Variants in EGFLAM observed in about 807,000 individuals in gnomAD.
The protein encoded by EGFLAM is EGF like, fibronectin type III and laminin G domains.
In EGFLAM, 79 loss-of-function variants were observed where a neutral mutation model predicts 113.1. The ratio of observed to expected loss-of-function variants is 0.70; its 90% CI spans 0.58 to 0.84. The LOEUF (loss-of-function observed/expected upper bound fraction) is 0.84, where lower values mean the gene tolerates loss of function less well. EGFLAM is among the 40% of genes least tolerant of loss of function. EGFLAM has a pLI of 0.00. For synonymous variants in EGFLAM, 504 were observed against 487.6 expected (o/e 1.03, Z -0.44); for missense variants, 1,265 against 1,291.6 (o/e 0.98, Z 0.32).
chr5:38,401,587 G>A (rs575733660), intron 6 of EGFLAM, among the ~76,000 whole-genome samples: 1 of 152,240 alleles, frequency 6.6e-6, no homozygotes, highest in South Asian at 2.1e-4. Flanking sequence ...GGATTGGGAG[G>A]CAGAGTCCCA....
At chr5:38,336,936 T>A (rs979241447) in intron 1 of EGFLAM, among the ~76,000 whole-genome samples, 4 of 152,226 alleles carry the variant, frequency 2.6e-5, no homozygotes, top group African/African-American at 9.6e-5. Context: ...TAATTTTTTA[T>A]GTTTTCTAAA....
At chr5:38,451,178 G>A (rs560843392) in intron 18 of EGFLAM, 137 bp from the exon 19 acceptor site, 115 of 1,175,660 alleles carry the variant, frequency 9.8e-5, no homozygotes, top group Admixed American at 6.0e-4. Flanking sequence ...GGTGCGACTC[G>A]TGGTAATGAA....
Position 38,409,111 on chromosome 5 carries a change from C to T in EGFLAM, c.1349+7C>T, listed in dbSNP as rs1319934216. The T allele has an allele frequency of 6.4e-7, 1 of 1,557,810 alleles. No homozygotes were observed. Among genetic ancestry groups the T allele is most frequent in the African/African-American group, 1.4e-5 (1 of 73,360 alleles). On this transcript the variant is annotated splice_region_variant and intron_variant, in intron 10 of 21. Transcript: ENST00000322350. ...GACGCTCCCTGCAGTTCAGGTAATT[C>T]CTGCCAAAAGCCTCACACTCTTTTT...
intron 1 of EGFLAM, among the ~76,000 whole-genome samples, chr5:38,316,885 A>G (rs1738607992): frequency 6.6e-6 from 1 of 152,226 alleles, no homozygotes; most frequent in Admixed American, 6.5e-5. Flanking sequence ...AAAAAATGAT[A>G]GCAAGAGACT....
At chr5:38,288,827 A>G (rs1162395454) in intron 1 of EGFLAM, among the ~76,000 whole-genome samples, 1 of 152,234 alleles carries the variant, frequency 6.6e-6, no homozygotes, top group Non-Finnish European at 1.5e-5. Flanking sequence ...CTGGCTCTGT[A>G]GACCAGACAT....
rs187355019 is a variant in EGFLAM at position 38,338,265 on chromosome 5, C to T, written c.208-433C>T. 1.1e-3 allele frequency among the ~76,000 whole-genome samples: 168 copies of T among 152,192 alleles called. 1 individual carries two copies. The highest frequency in any genetic ancestry group is 0.01 in the Middle Eastern group (3 of 294). ...TTATTTTAGCTGAAATGTAAGACCC[C>T]GGTACCACCCCAATCCCACCACCTG... is the stretch of plus-strand genomic sequence containing the variant. On this transcript the variant is annotated intron_variant, in intron 2 of 21. Coordinates refer to ENST00000322350, the MANE Select transcript of EGFLAM (RefSeq NM_152403.4).
chr5:38,371,632 ACACACG>A (rs948199103), intron 6 of EGFLAM, among the ~76,000 whole-genome samples: 98 of 152,056 alleles, frequency 6.4e-4, no homozygotes, highest in Admixed American at 3.5e-3. Flanking sequence ...ATACACACAC[ACACACG>A]CACACACATA....
intron 1 of EGFLAM, among the ~76,000 whole-genome samples, chr5:38,307,047 A>G (rs1758738043): frequency 6.6e-6 from 1 of 152,186 alleles, no homozygotes; most frequent in Admixed American, 6.5e-5. Flanking sequence ...TCATCTTGGA[A>G]GTGGATCCTC....
intron 11 of EGFLAM, among the ~76,000 whole-genome samples, chr5:38,413,986 C>T (rs1317388465): frequency 2.0e-5 from 3 of 152,150 alleles, no homozygotes; most frequent in African/African-American, 7.2e-5. Flanking sequence ...GAAGACGGAG[C>T]TCAGGCGGAG....
At chr5:38,404,930 C>T (rs924366997) in intron 6 of EGFLAM, among the ~76,000 whole-genome samples, 8 of 152,242 alleles carry the variant, frequency 5.3e-5, no homozygotes, top group South Asian at 2.1e-4. Context: ...GTGGATTCTG[C>T]GGATGACAGT....
chr5:38,274,289 G>A (rs1445294874), intron 1 of EGFLAM, among the ~76,000 whole-genome samples: 3 of 152,146 alleles, frequency 2.0e-5, no homozygotes, highest in Admixed American at 2.0e-4. Context: ...CTTATTTAAA[G>A]AAATCATAGC....
intron 1 of EGFLAM, among the ~76,000 whole-genome samples, chr5:38,334,472 G>A (rs898383587): frequency 8.6e-5 from 13 of 151,906 alleles, no homozygotes; most frequent in Non-Finnish European, 2.9e-5. Context: ...TATCTTTTGG[G>A]GAACTAATCC....
chr5:38,462,660 T>C (rs1332827841), intron 20 of EGFLAM: 3 of 430,036 alleles, frequency 7.0e-6, no homozygotes, highest in Non-Finnish European at 1.3e-5. Flanking sequence ...AGCACCCTTG[T>C]GGTCTTCGCC....
intron 6 of EGFLAM, among the ~76,000 whole-genome samples, chr5:38,376,758 C>T (rs915402177): frequency 1.3e-5 from 2 of 152,080 alleles, no homozygotes; most frequent in Non-Finnish European, 2.9e-5. Context: ...GCAACCTCCA[C>T]CTCCCGGGCT....
chr5:38,375,947 G>C (rs752703395), intron 6 of EGFLAM, among the ~76,000 whole-genome samples: 2 of 152,196 alleles, frequency 1.3e-5, no homozygotes, highest in Admixed American at 6.5e-5. Context: ...ATGTACTTCT[G>C]TCTTCTCCTG....
intron 19 of EGFLAM, among the ~76,000 whole-genome samples, chr5:38,454,905 G>A (rs1743036504): frequency 6.6e-6 from 1 of 152,154 alleles, no homozygotes; most frequent in African/African-American, 2.4e-5. Context: ...TTATAGTTTT[G>A]GTGCAAGATT....
intron 1 of EGFLAM, among the ~76,000 whole-genome samples, chr5:38,279,535 T>G (rs563663987): frequency 6.6e-6 from 1 of 152,208 alleles, no homozygotes; most frequent in African/African-American, 2.4e-5. Context: ...TTATTCACCA[T>G]AATAAAAAGA....
At chr5:38,445,421 G>A (rs570910737) in intron 17 of EGFLAM, 5 of 1,320,334 alleles carry the variant, frequency 3.8e-6, no homozygotes, top group Admixed American at 3.0e-5. Context: ...TTGGTCCACC[G>A]CCACGCCCAC....
chr5:38,296,018 C>T (rs1483611114), intron 1 of EGFLAM, among the ~76,000 whole-genome samples: 4 of 152,066 alleles, frequency 2.6e-5, no homozygotes, highest in Non-Finnish European at 5.9e-5. Flanking sequence ...GTTGCCATGT[C>T]TGTTGATTCC....
Sources: gnomAD v4.1 joint callset for allele counts (sites outside exome capture counted in the v4.1 genomes callset) on GRCh38, gnomAD v4.1.1 for gene constraint, MANE v1.5 for transcripts, NCBI Gene and HGNC (gene_info 2026-07-23, HGNC 2026-07-21) for gene names.